The following DHX32 variants were observed in gnomAD, a reference collection of about 807,000 sequenced individuals.
DHX32 encodes DEAH-box helicase 32 (putative), also known as putative pre-mRNA-splicing factor ATP-dependent RNA helicase DHX32.
A neutral mutation model predicts 70.0 loss-of-function variants in DHX32; 51 were observed. The ratio of observed to expected loss-of-function variants is 0.73; its 90% CI spans 0.58 to 0.92. The LOEUF is 0.92. Ranked by LOEUF, DHX32 falls within the 40% of genes least tolerant of loss-of-function variation. DHX32 has a pLI of 0.00. For missense variants in DHX32, 762 were observed against 891.8 expected, an observed-to-expected ratio of 0.85 and a Z score of 1.85; for synonymous variants, 310 against 315.3, an observed-to-expected ratio of 0.98 and a Z score of 0.18.
At chr10:125,877,084 T>G (rs1037388177) in intron 1 of DHX32, among the ~76,000 whole-genome samples, 2 of 152,168 alleles carry the variant, frequency 1.3e-5, no homozygotes, top group African/African-American at 4.8e-5. Context: ...TATGGTAAAA[T>G]CTTACATTTG....
At chr10:125,860,309 A>C (rs1304800947) in intron 2 of DHX32, among the ~76,000 whole-genome samples, 4 of 152,210 alleles carry the variant, frequency 2.6e-5, no homozygotes, top group Non-Finnish European at 1.5e-5. Context: ...TATACATAAA[A>C]AGTAGTATCA....
In DHX32 at chr10:125,852,295, G is replaced by C; in HGVS notation, c.1349C>G (p.Pro450Arg). Residue 450 changes from proline (P) to arginine (R), a missense_variant and splice_region_variant, in exon 6 of 11, where the codon CCA becomes CGA. Pro to Arg is a moderately radical substitution (Grantham distance 103). Around this residue, in one of 3 missense-constraint regions of DHX32, gnomAD observed 366 missense variants for 402.6 expected, o/e 0.91. Transcript: ENST00000284690. Reference sequence around the variant, plus strand: ...CTGACATGGGAGCATAAGGCTACCTGGTCTGTTCATGAAGTCACAGTGGCC... The same window carrying C: ...CTGACATGGGAGCATAAGGCTACCTCGTCTGTTCATGAAGTCACAGTGGCC... Reference protein sequence around the residue: ...GLGHCDFMNRPAPESLMQALE... With the variant: ...GLGHCDFMNRRAPESLMQALE... 6.2e-7 allele frequency: 1 copy of C among 1,613,834 alleles called. No homozygotes were observed. Among genetic ancestry groups the C allele is most frequent in the South Asian group, 1.1e-5 (1 of 91,058 alleles).
intron 1 of DHX32, among the ~76,000 whole-genome samples, chr10:125,873,335 C>T (rs1944266508): frequency 1.3e-5 from 2 of 152,110 alleles, no homozygotes; most frequent in Non-Finnish European, 2.9e-5. Flanking sequence ...AAAGGACCTC[C>T]ATGAGACACA....
chr10:125,851,495 A>G (rs926421702), intron 6 of DHX32, among the ~76,000 whole-genome samples: 9 of 152,200 alleles, frequency 5.9e-5, no homozygotes, highest in African/African-American at 2.2e-4. Flanking sequence ...TACTACCCTG[A>G]GCAAGAAGAT....
At chr10:125,871,864 T>C (rs1944257732) in intron 1 of DHX32, among the ~76,000 whole-genome samples, 2 of 43,540 alleles carry the variant, frequency 4.6e-5, no homozygotes, top group Admixed American at 1.5e-4. Flanking sequence ...CTTCTTTTCT[T>C]TTTTTTTTTT....
chr10:125,858,585 A>ATATGTGTTTCTTCTGAAATAT (rs1944162866), intron 3 of DHX32, among the ~76,000 whole-genome samples: 1 of 152,222 alleles, frequency 6.6e-6, no homozygotes, highest in Non-Finnish European at 1.5e-5. Flanking sequence ...TACTTCTGAA[A>ATATGTGTTTCTTCTGAAATAT]GTGTTTCTGA....
Position 125,866,712 on chromosome 10 carries a change from T to G in DHX32, c.476+278A>C, listed in dbSNP as rs570990748. Among the ~76,000 whole-genome samples, 12 of 152,342 alleles carry G rather than the reference T, an allele frequency of 7.9e-5. 1 individual carries two copies. In the South Asian group the frequency reaches 2.3e-3, roughly 29 times the overall value. ...AATGATGTGGACCCTGCATGAGGCA[T>G]AGCTCCAGAAGCACACGCTTGAAGG... On this transcript the variant is annotated intron_variant, in intron 2 of 10. Transcript: ENST00000284690. This position sits in a 1 kb window ranked among gnomAD's most constrained non-coding sequence, Gnocchi z 4.8.
chr10:125,859,666 A>G lies in DHX32; in HGVS notation c.786T>C (p.Leu262=), dbSNP rs769823383. Residue 262 remains leucine (L), a synonymous_variant, in exon 3 of 11, where the codon CTT becomes CTC. Coordinates refer to ENST00000284690, the MANE Select transcript of DHX32 (RefSeq NM_018180.3). ...CACCCGAGTGGTGAATTTCAAAGAT[A>G]AGGCGTAAAATAGACTCAAAAGAAT... ...QKDSFESILR[L]IFEIHHSGEK... is the part of the protein sequence containing the mutation. The G allele has an allele frequency of 8.7e-6, 14 of 1,610,518 alleles. No individual in the cohort carries two copies. The highest frequency in any genetic ancestry group is 7.8e-5 in the South Asian group (7 of 90,008).
chr10:125,889,825 A>T (rs1249305482), intron 1 of DHX32, among the ~76,000 whole-genome samples: 18 of 152,284 alleles, frequency 1.2e-4, no homozygotes, highest in African/African-American at 4.3e-4. Context: ...CTTTATATGG[A>T]TTATTTCATT....
Position 125,840,842 on chromosome 10 carries a change from C to T in DHX32, c.1693+5G>A. On this transcript the variant is annotated splice_donor_5th_base_variant and intron_variant, in intron 8 of 10. Coordinates refer to ENST00000284690, the MANE Select transcript of DHX32 (RefSeq NM_018180.3). Reference sequence around the variant, plus strand: ...TTAATAGGTAGTTTCTGAGCATTCACTTACACTCACTGCTAGAATTCAGAG... The same window carrying T: ...TTAATAGGTAGTTTCTGAGCATTCATTTACACTCACTGCTAGAATTCAGAG... 6.3e-7 allele frequency: 1 copy of T among 1,581,686 alleles called. No individual in the cohort carries two copies. Among genetic ancestry groups the T allele is most frequent in the Non-Finnish European group, 8.6e-7 (1 of 1,158,958 alleles).
Position 125,836,660 on chromosome 10 carries a change from C to T in DHX32, c.*27G>A, listed in dbSNP as rs1164687368. 1.2e-6 allele frequency: 2 copies of T among 1,610,238 alleles called. No homozygotes were observed. Among genetic ancestry groups the T allele is most frequent in the South Asian group, 2.2e-5 (2 of 90,516 alleles). Reference sequence around the variant, plus strand: ...CAGCCATCCAGCTACCTTTGGGACCCTGCTGCACCTTGTGTTTGCTGGGGA... The same window carrying T: ...CAGCCATCCAGCTACCTTTGGGACCTTGCTGCACCTTGTGTTTGCTGGGGA... On this transcript the variant is annotated 3_prime_UTR_variant, in exon 11 of 11. Coordinates refer to ENST00000284690, the MANE Select transcript of DHX32 (RefSeq NM_018180.3).
At chr10:125,870,145 G>A (rs1944247504) in intron 1 of DHX32, among the ~76,000 whole-genome samples, 1 of 152,196 alleles carries the variant, frequency 6.6e-6, no homozygotes, top group Non-Finnish European at 1.5e-5. Context: ...GGAGTTAGGA[G>A]GGTAGGAAGA....
chr10:125,843,924 C>T (rs1854945261), intron 6 of DHX32, among the ~76,000 whole-genome samples: 1 of 152,308 alleles, frequency 6.6e-6, no homozygotes, highest in South Asian at 2.1e-4. Context: ...TTCATCCTTA[C>T]CTTGGGGCAA....
In DHX32 at chr10:125,852,377, CCTGCATTT is replaced by C. The variant is rs1944102403; in HGVS notation, c.1259_1266del (p.Glu420GlyfsTer23). On this transcript the variant is annotated frameshift_variant, in exon 6 of 11. Coordinates refer to ENST00000284690, the MANE Select transcript of DHX32 (RefSeq NM_018180.3). LOFTEE classifies it high-confidence loss of function. ...AGCACCATGCTTGTTAGGTTGGCTT[CCTGCATTT>C]CTGCTGGCTTCAGTGGCGTCATGTC... 3 of 1,614,228 alleles carry C rather than the reference CCTGCATTT, an allele frequency of 1.9e-6. No individual in the cohort carries two copies. Among genetic ancestry groups the C allele is most frequent in the Non-Finnish European group, 1.7e-6 (2 of 1,180,050 alleles).
chr10:125,885,484 C>T (rs948339805), upstream of DHX32, among the ~76,000 whole-genome samples: 8 of 152,020 alleles, frequency 5.3e-5, no homozygotes, highest in South Asian at 2.1e-4. Flanking sequence ...GGAAGAAGGT[C>T]GGAGAGATGC....
chr10:125,841,980 G>A (rs1160900964), intron 6 of DHX32, 46 bp from the exon 7 acceptor site: 2 of 1,508,890 alleles, frequency 1.3e-6, no homozygotes, highest in East Asian at 2.4e-5. Context: ...ATATGGCTAA[G>A]ATGGAGAAAC....
chr10:125,856,796 AAAAAC>A (rs1235743215), intron 3 of DHX32, among the ~76,000 whole-genome samples: 1 of 152,004 alleles, frequency 6.6e-6, no homozygotes, highest in Non-Finnish European at 1.5e-5. Context: ...AAAAAAAACA[AAAAAC>A]AAAAACTAGC....
At chr10:125,870,447 G>A (rs1589715542) in intron 1 of DHX32, among the ~76,000 whole-genome samples, 1 of 152,190 alleles carries the variant, frequency 6.6e-6, no homozygotes, top group Non-Finnish European at 1.5e-5. Flanking sequence ...TTCTTGGCGA[G>A]TATAATTGCC....
chr10:125,844,845 C>T (rs771423466), intron 6 of DHX32, among the ~76,000 whole-genome samples: 13 of 152,194 alleles, frequency 8.5e-5, no homozygotes, highest in African/African-American at 1.4e-4. Flanking sequence ...TTATTAAGCT[C>T]GCTTGCCAGC....
Sources: allele counts gnomAD v4.1 joint callset (sites outside exome capture counted in the v4.1 genomes callset), GRCh38; gene constraint gnomAD v4.1.1; regional missense constraint gnomAD v4.1.1; non-coding constraint Gnocchi (gnomAD v3.1); transcripts MANE v1.5; gene names NCBI Gene and HGNC (gene_info 2026-07-23, HGNC 2026-07-21).